Variants in EXOC4 observed in about 807,000 individuals in gnomAD.
EXOC4 encodes SEC8-like 1.
Under a neutral mutation model 107.2 loss-of-function variants are expected in EXOC4, and 71 were observed. The ratio of observed to expected loss-of-function variants is 0.66; its 90% CI spans 0.55 to 0.81. The LOEUF is 0.81. Among genes scored for constraint, EXOC4 ranks in the 30% least tolerant of loss-of-function variants. EXOC4 has a pLI of 0.00. For missense variants in EXOC4, 1,108 were observed against 1,189.6 expected, an observed-to-expected ratio of 0.93 and a Z score of 1.01; for synonymous variants, 456 against 441.2, an observed-to-expected ratio of 1.03 and a Z score of -0.42.
intron 10 of EXOC4, among the ~76,000 whole-genome samples, chr7:133,669,240 C>T (rs1359048456): frequency 2.0e-5 from 3 of 151,936 alleles, no homozygotes; most frequent in Non-Finnish European, 4.4e-5. Flanking sequence ...GCAGCCTTTA[C>T]AGTGGTGAGA....
At chr7:133,966,639 G>A (rs561542632) in intron 14 of EXOC4, among the ~76,000 whole-genome samples, 16 of 152,256 alleles carry the variant, frequency 1.1e-4, no homozygotes, top group East Asian at 1.9e-4. Context: ...ATTGATTTGC[G>A]TATGTTGAAC....
intron 7 of EXOC4, among the ~76,000 whole-genome samples, chr7:133,447,062 G>C (rs939112305): frequency 1.3e-5 from 2 of 152,114 alleles, no homozygotes; most frequent in African/African-American, 2.4e-5. Context: ...AATAATAAAG[G>C]GGATAGATTT....
intron 12 of EXOC4, among the ~76,000 whole-genome samples, chr7:133,898,258 G>T (rs1799367184): frequency 6.6e-6 from 1 of 151,980 alleles, no homozygotes; most frequent in African/African-American, 2.4e-5. Context: ...AAGGGAAGGA[G>T]AATATAGTTT....
chr7:133,548,584 T>C (rs1053990119), intron 9 of EXOC4, among the ~76,000 whole-genome samples: 1 of 152,212 alleles, frequency 6.6e-6, no homozygotes, highest in Non-Finnish European at 1.5e-5. Flanking sequence ...TGCTGTAGCT[T>C]CTACATTAGC....
At chr7:133,753,611 G>T (rs1795838627) in intron 10 of EXOC4, among the ~76,000 whole-genome samples, 1 of 152,212 alleles carries the variant, frequency 6.6e-6, no homozygotes. Context: ...TATGTTAAAG[G>T]CTGACAAGAA....
At chr7:133,463,743 A>T (rs1798649184) in intron 7 of EXOC4, among the ~76,000 whole-genome samples, 1 of 152,224 alleles carries the variant, frequency 6.6e-6, no homozygotes, top group Non-Finnish European at 1.5e-5. Context: ...GAGAATGAGT[A>T]TTAGCAGAAG....
intron 11 of EXOC4, among the ~76,000 whole-genome samples, chr7:133,872,057 G>C (rs1355464464): frequency 1.3e-5 from 2 of 152,066 alleles, no homozygotes; most frequent in African/African-American, 4.8e-5. Flanking sequence ...GCCTGGGGTT[G>C]TATCACAGCA....
Position 134,064,559 on chromosome 7 carries a change from C to T in EXOC4, c.*31C>T. The T allele has an allele frequency of 7.0e-7, 1 of 1,435,642 alleles. No individual in the cohort carries two copies. The highest frequency in any genetic ancestry group is 1.3e-5 in the South Asian group (1 of 78,496). The allele number at this position is 1,435,642 out of a possible 1,614,324, so 88.9% of individuals were successfully genotyped here. On this transcript the variant is annotated 3_prime_UTR_variant, in exon 18 of 18. Transcript: ENST00000253861. ...CGTACTGCGGTTGGTGACGGGGGTCCCCTCAGTCACACTCACTTTTTTCCT... is the reference window on the plus strand; with the variant it reads ...CGTACTGCGGTTGGTGACGGGGGTCTCCTCAGTCACACTCACTTTTTTCCT...
intron 7 of EXOC4, among the ~76,000 whole-genome samples, chr7:133,425,797 C>T (rs1264809471): frequency 6.6e-6 from 1 of 152,194 alleles, no homozygotes; most frequent in Non-Finnish European, 1.5e-5. Context: ...GTTCTTTCTC[C>T]TAACCCCGCC....
intron 9 of EXOC4, among the ~76,000 whole-genome samples, chr7:133,609,365 CT>C (rs924583056): frequency 2.0e-5 from 3 of 152,148 alleles, no homozygotes; most frequent in Non-Finnish European, 4.4e-5. Context: ...GAGTTTTTGG[CT>C]ATTGTGAATA....
intron 12 of EXOC4, among the ~76,000 whole-genome samples, chr7:133,915,446 A>G (rs1394983903): frequency 6.6e-6 from 1 of 152,208 alleles, no homozygotes; most frequent in Non-Finnish European, 1.5e-5. Flanking sequence ...CAAATATTTG[A>G]AAGTATGTAA....
intron 1 of EXOC4, among the ~76,000 whole-genome samples, chr7:133,255,246 G>A (rs980099082): frequency 1.3e-5 from 2 of 151,510 alleles, no homozygotes; most frequent in African/African-American, 4.9e-5. Flanking sequence ...GCGCGATCTC[G>A]GCTCACTGCA....
chr7:133,501,392 G>A (rs562803396), intron 9 of EXOC4, among the ~76,000 whole-genome samples: 7 of 152,210 alleles, frequency 4.6e-5, no homozygotes, highest in African/African-American at 1.7e-4. Flanking sequence ...GTTATGTATA[G>A]GTGACTTGTT....
At chr7:133,847,539 T>C (rs1443612912) in intron 11 of EXOC4, among the ~76,000 whole-genome samples, 2 of 43,040 alleles carry the variant, frequency 4.6e-5, no homozygotes, top group African/African-American at 4.0e-4. Flanking sequence ...CACCAGCTAT[T>C]TTTTTTTTTT....
chr7:133,636,435 G>C (rs942763313), intron 10 of EXOC4, among the ~76,000 whole-genome samples: 1 of 152,170 alleles, frequency 6.6e-6, no homozygotes, highest in African/African-American at 2.4e-5. Flanking sequence ...TATGCAAAAA[G>C]TGAGTTTTAT....
chr7:133,575,485 A>G (rs1351714599), intron 9 of EXOC4, among the ~76,000 whole-genome samples: 1 of 152,202 alleles, frequency 6.6e-6, no homozygotes, highest in African/African-American at 2.4e-5. Context: ...TGGTGAAAAC[A>G]TTTAATATAT....
intron 9 of EXOC4, among the ~76,000 whole-genome samples, chr7:133,563,399 T>C (rs1444056957): frequency 2.6e-5 from 4 of 152,246 alleles, no homozygotes; most frequent in African/African-American, 4.8e-5. Flanking sequence ...CTGTTGGCTG[T>C]GCGGTTTCTA....
At chr7:133,664,719 A>G (rs1163491671) in intron 10 of EXOC4, among the ~76,000 whole-genome samples, 1 of 152,184 alleles carries the variant, frequency 6.6e-6, no homozygotes, top group East Asian at 1.9e-4. Flanking sequence ...TGCAGAATTC[A>G]CTTAAGGGAA....
chr7:133,730,960 T>C (rs1379202804), intron 10 of EXOC4, among the ~76,000 whole-genome samples: 2 of 152,162 alleles, frequency 1.3e-5, no homozygotes, highest in Non-Finnish European at 2.9e-5. Context: ...CACTTGATAA[T>C]AGTTACAAAG....
Sources: gnomAD v4.1 joint callset for allele counts (sites outside exome capture counted in the v4.1 genomes callset) on GRCh38, gnomAD v4.1.1 for gene constraint, MANE v1.5 for transcripts, NCBI Gene and HGNC (gene_info 2026-07-23, HGNC 2026-07-21) for gene names.